Variants in GRIN3A observed in about 807,000 individuals in gnomAD.
The protein encoded by GRIN3A is glutamate ionotropic receptor NMDA type subunit 3A, also known as glutamate receptor ionotropic, NMDA 3A.
A neutral mutation model predicts 92.4 loss-of-function variants in GRIN3A; 47 were observed. The observed-to-expected ratio is 0.51, with a 90% confidence interval of 0.40 to 0.65. GRIN3A has a LOEUF of 0.65. GRIN3A is among the 30% of genes least tolerant of loss of function. The pLI, the probability that GRIN3A is intolerant of heterozygous loss-of-function variation, is 0.00. For missense variants in GRIN3A, 1,324 were observed against 1,393.1 expected, an observed-to-expected ratio of 0.95 and a Z score of 0.79; for synonymous variants, 527 against 540.6, an observed-to-expected ratio of 0.97 and a Z score of 0.35.
In GRIN3A at chr9:101,712,829, G is replaced by T. The variant is rs537027938; in HGVS notation, c.699+24452C>A. Among the ~76,000 whole-genome samples the T allele has an allele frequency of 3.9e-5, 6 of 152,188 alleles. No individual in the cohort carries two copies. In the South Asian group the frequency reaches 1.2e-3, roughly 32 times the overall value. On this transcript the variant is annotated intron_variant, in intron 1 of 8. Transcript: ENST00000361820. ...CCTGGAAACACTTATTATGGACAAGGCAATTCTTAACACTTCATAGAAATT... is the reference window on the plus strand; with the variant it reads ...CCTGGAAACACTTATTATGGACAAGTCAATTCTTAACACTTCATAGAAATT...
chr9:101,726,962 A>G (rs1830088175), intron 1 of GRIN3A, among the ~76,000 whole-genome samples: 1 of 152,282 alleles, frequency 6.6e-6, no homozygotes, highest in Non-Finnish European at 1.5e-5. Context: ...ATAAGGGATC[A>G]AGGACAAGAA....
chr9:101,649,064 G>A (rs1828976929), intron 3 of GRIN3A, among the ~76,000 whole-genome samples: 1 of 151,986 alleles, frequency 6.6e-6, no homozygotes, highest in African/African-American at 2.4e-5. Context: ...CCTTTCCATT[G>A]TTCTTAATTC....
chr9:101,597,387 A>G (rs1828150332), intron 6 of GRIN3A, among the ~76,000 whole-genome samples: 1 of 152,172 alleles, frequency 6.6e-6, no homozygotes, highest in African/African-American at 2.4e-5. Flanking sequence ...AGAACAGGGT[A>G]ATGCTGAGCA....
At chr9:101,650,914 T>A (rs1829006809) in intron 3 of GRIN3A, among the ~76,000 whole-genome samples, 1 of 152,042 alleles carries the variant, frequency 6.6e-6, no homozygotes, top group Non-Finnish European at 1.5e-5. Context: ...TCTCAAACCT[T>A]CTCTGATCTT....
chr9:101,584,550 A>C (rs144378651), intron 6 of GRIN3A, among the ~76,000 whole-genome samples: 1 of 152,356 alleles, frequency 6.6e-6, no homozygotes, highest in East Asian at 1.9e-4. Flanking sequence ...AAATGTCTAC[A>C]GGTGTCTAAG....
At chr9:101,583,417 C>T (rs559261387) in intron 6 of GRIN3A, among the ~76,000 whole-genome samples, 5 of 152,162 alleles carry the variant, frequency 3.3e-5, no homozygotes, top group East Asian at 3.8e-4. Context: ...TGTAATTCAG[C>T]GGTTCCTCCC....
intron 3 of GRIN3A, among the ~76,000 whole-genome samples, chr9:101,650,412 C>G (rs901985278): frequency 1.3e-5 from 2 of 151,952 alleles, no homozygotes; most frequent in Admixed American, 6.6e-5. Flanking sequence ...TTGCTTGTGC[C>G]ATAGCCCTCT....
chr9:101,681,295 C>T (rs1057041321), intron 2 of GRIN3A, among the ~76,000 whole-genome samples: 19 of 152,124 alleles, frequency 1.2e-4, no homozygotes, highest in Admixed American at 2.6e-4. Flanking sequence ...ACTTGCAAAG[C>T]TTTTATACTG....
intron 1 of GRIN3A, among the ~76,000 whole-genome samples, chr9:101,712,648 A>C (rs1251078563): frequency 3.3e-5 from 5 of 152,220 alleles, no homozygotes; most frequent in Non-Finnish European, 7.3e-5. Context: ...AATATCAAAT[A>C]AGACACAAAA....
intron 5 of GRIN3A, among the ~76,000 whole-genome samples, chr9:101,615,386 C>CTTTTTTT (rs547717146): frequency 8.0e-6 from 1 of 124,292 alleles, no homozygotes; most frequent in Non-Finnish European, 1.7e-5. Context: ...ATTTTTGTTC[C>CTTTTTTT]TTTTTTTTTT....
intron 3 of GRIN3A, among the ~76,000 whole-genome samples, chr9:101,628,912 T>C (rs1362025516): frequency 6.7e-6 from 1 of 149,696 alleles, no homozygotes; most frequent in South Asian, 2.1e-4. Flanking sequence ...TTTAGTGTTT[T>C]CATAAAATGT....
intron 6 of GRIN3A, among the ~76,000 whole-genome samples, chr9:101,580,160 C>A (rs1395754467): frequency 6.6e-6 from 1 of 152,176 alleles, no homozygotes; most frequent in Admixed American, 6.5e-5. Flanking sequence ...TCAGCCACCC[C>A]ACTCAGCATA....
At chr9:101,610,071 A>C (rs984863545) in intron 6 of GRIN3A, among the ~76,000 whole-genome samples, 2 of 152,224 alleles carry the variant, frequency 1.3e-5, no homozygotes, top group Non-Finnish European at 2.9e-5. Context: ...AAATGATAGA[A>C]AACACCAAGT....
chr9:101,696,472 G>T (rs1404811025), intron 1 of GRIN3A, among the ~76,000 whole-genome samples: 1 of 152,126 alleles, frequency 6.6e-6, no homozygotes, highest in Non-Finnish European at 1.5e-5. Context: ...TGAATTTTAA[G>T]AACTTTTGGA....
chr9:101,687,111 G>A lies in GRIN3A; in HGVS notation c.789C>T (p.Tyr263=). Residue 263 remains tyrosine (Y), a synonymous_variant, in exon 2 of 9, where the codon TAC becomes TAT. Transcript: ENST00000361820. ...TVSILTMNNW[Y]NFSLLLCQED... ...CCTGGCACAGCAACAAGCTAAAATT[G>A]TACCAGTTGTTCATGGTCAGGATTG... 6.2e-7 allele frequency: 1 copy of A among 1,614,070 alleles called. No homozygotes were observed. The highest frequency in any genetic ancestry group is 8.5e-7 in the Non-Finnish European group (1 of 1,179,956).
chr9:101,649,055 C>T (rs2118913101), intron 3 of GRIN3A, among the ~76,000 whole-genome samples: 1 of 152,144 alleles, frequency 6.6e-6, no homozygotes, highest in Admixed American at 6.5e-5. Context: ...AAATTGATGC[C>T]TTTCCATTGT....
At chr9:101,653,873 C>G (rs1025162163) in intron 3 of GRIN3A, among the ~76,000 whole-genome samples, 1 of 151,680 alleles carries the variant, frequency 6.6e-6, no homozygotes, top group Non-Finnish European at 1.5e-5. Context: ...AAAATATTGT[C>G]AAGTGTAATA....
chr9:101,621,903 A>C (rs950661574), intron 5 of GRIN3A, among the ~76,000 whole-genome samples: 20 of 152,234 alleles, frequency 1.3e-4, no homozygotes, highest in African/African-American at 4.3e-4. Context: ...TAACATCCCC[A>C]GATGCCACAA....
chr9:101,595,646 A>T (rs536049099), intron 6 of GRIN3A, among the ~76,000 whole-genome samples: 2 of 152,314 alleles, frequency 1.3e-5, no homozygotes, highest in South Asian at 4.1e-4. Flanking sequence ...ACCGCGCAGA[A>T]TTTCTTACAT....
Sources: allele counts gnomAD v4.1 joint callset (sites outside exome capture counted in the v4.1 genomes callset), GRCh38; gene constraint gnomAD v4.1.1; transcripts MANE v1.5; gene names NCBI Gene and HGNC (gene_info 2026-07-23, HGNC 2026-07-21).